PRDM11: variants seen among roughly 807,000 people sequenced by gnomAD.
PRDM11 encodes the protein PR/SET domain 11.
PRDM11 carries 20 observed loss-of-function variants against 97.8 expected under a neutral mutation model. The ratio of observed to expected loss-of-function variants is 0.20; its 90% CI spans 0.14 to 0.30. The LOEUF (loss-of-function observed/expected upper bound fraction) is 0.30, where lower values mean the gene tolerates loss of function less well. Ranked by LOEUF, PRDM11 falls within the 10% of genes least tolerant of loss-of-function variation. The pLI is 1.00. For synonymous variants in PRDM11, 599 were observed against 637.7 expected (o/e 0.94, Z 0.91); for missense variants, 1,139 against 1,555.2 (o/e 0.73, Z 4.50).
intron 4 of PRDM11, among the ~76,000 whole-genome samples, chr11:45,203,770 G>A (rs535515990): frequency 2.0e-4 from 30 of 152,080 alleles, no homozygotes; most frequent in East Asian, 7.7e-4. Context: ...ACAGGTGCCC[G>A]CCACCACACC....
chr11:45,219,882 G>A lies in PRDM11; in HGVS notation c.742+125G>A. 1 of 1,196,416 alleles carries A rather than the reference G, an allele frequency of 8.4e-7. No homozygotes were observed. The highest frequency in any genetic ancestry group is 1.1e-6 in the Non-Finnish European group (1 of 877,746). 74.1% of individuals were successfully genotyped at this position (1,196,416 alleles called of 1,614,324 possible). On this transcript the variant is annotated intron_variant, in intron 6 of 7. Transcript: ENST00000683152. This position sits in a 1 kb window ranked among gnomAD's most constrained non-coding sequence, Gnocchi z 4.2. ...ATGGGAAGACCCAGAGTGATTCGGG[G>A]GAACAGATGGTTGAGGTCTGAGCAG...
chr11:45,187,335 GA>G (rs1314888922), intron 4 of PRDM11, among the ~76,000 whole-genome samples: 1 of 152,176 alleles, frequency 6.6e-6, no homozygotes, highest in Non-Finnish European at 1.5e-5. Context: ...AATTGCAGGA[GA>G]AAAAATCTAA....
upstream of PRDM11, among the ~76,000 whole-genome samples, chr11:45,146,133 C>A (rs1851502455): frequency 1.3e-5 from 2 of 152,186 alleles, no homozygotes; most frequent in Non-Finnish European, 2.9e-5. Context: ...CCTCAGCCTT[C>A]GCGGGACGCC....
intron 4 of PRDM11, among the ~76,000 whole-genome samples, chr11:45,203,888 G>C (rs578237629): frequency 3.3e-5 from 5 of 152,288 alleles, no homozygotes; most frequent in Non-Finnish European, 7.3e-5. Context: ...GAATTTTCCA[G>C]AATTGAAAAG....
intron 1 of PRDM11, among the ~76,000 whole-genome samples, chr11:45,169,724 A>G (rs1852155619): frequency 2.5e-5 from 1 of 39,260 alleles, no homozygotes; most frequent in Admixed American, 2.7e-4. Flanking sequence ...GAACTCCCCC[A>G]GTGTCACACA....
At chr11:45,166,677 G>T (rs1000045409) in intron 1 of PRDM11, among the ~76,000 whole-genome samples, 2 of 152,256 alleles carry the variant, frequency 1.3e-5, no homozygotes, top group Non-Finnish European at 2.9e-5. Flanking sequence ...ACACAGAAGA[G>T]TGAGTGAACA....
Position 45,227,373 on chromosome 11 carries a change from C to T in PRDM11, c.2748C>T (p.Ile916=), listed in dbSNP as rs1262453854. 11 of 1,533,868 alleles carry T rather than the reference C, an allele frequency of 7.2e-6. No individual in the cohort carries two copies. Among genetic ancestry groups the T allele is most frequent in the Non-Finnish European group, 9.6e-6 (11 of 1,146,754 alleles). Residue 916 remains isoleucine, a synonymous_variant, in exon 8 of 8, where the codon ATC becomes ATT. Transcript: ENST00000683152. This position sits in a 1 kb window ranked among gnomAD's most constrained non-coding sequence, Gnocchi z 8.0. ...TGGATGACAAGATCGAGGAGGCCAT[C>T]CAGGAGATCAGCCGGCTGGCTGACT... is the stretch of plus-strand genomic sequence containing the variant. ...SQVDDKIEEA[I]QEISRLADSP...
rs200361046 is a variant in PRDM11 at position 45,101,567 on chromosome 11, A to G, written c.96+5666A>G. Among the ~76,000 whole-genome samples the G allele has an allele frequency of 4.5e-3, 431 of 96,838 alleles. 19 individuals are homozygous for G. The highest frequency in any genetic ancestry group is 0.018 in the African/African-American group (369 of 20,544). 63.5% of individuals were successfully genotyped at this position (96,838 alleles called of 152,430 possible). A position where few individuals can be genotyped will look rare whatever the true frequency, so the allele number is the denominator to read the frequency against. On this transcript the variant is annotated intron_variant, in intron 1 of 6. Coordinates refer to the PRDM11 transcript ENST00000530656. The stretch of plus-strand genomic sequence containing the variant: ...CAACACTCTGTCTCAAAAAAAAAAA[A>G]AAGAAGAAGAAGAAGAAGAAGAAGA...
intron 1 of PRDM11, among the ~76,000 whole-genome samples, chr11:45,117,393 C>T (rs1276338290): frequency 3.9e-5 from 6 of 152,104 alleles, no homozygotes; most frequent in Non-Finnish European, 8.8e-5. Flanking sequence ...TGGGAGAAGG[C>T]AGATAAATCT....
chr11:45,199,678 G>T (rs1339145352), intron 4 of PRDM11, among the ~76,000 whole-genome samples: 3 of 152,178 alleles, frequency 2.0e-5, no homozygotes, highest in African/African-American at 7.2e-5. Flanking sequence ...GTCTTCTGGG[G>T]GGCTTGTCCT....
chr11:45,176,370 C>T (rs1852328528), intron 1 of PRDM11, among the ~76,000 whole-genome samples: 1 of 152,056 alleles, frequency 6.6e-6, no homozygotes, highest in Non-Finnish European at 1.5e-5. Context: ...GAGCGAGACT[C>T]AATCTAAAAA....
chr11:45,181,359 TACCCCTTGGCC>T (rs1852493459), intron 1 of PRDM11, among the ~76,000 whole-genome samples: 6 of 152,214 alleles, frequency 3.9e-5, no homozygotes, highest in African/African-American at 1.4e-4. Context: ...GTCTGCCCAC[TACCCCTTGGCC>T]CAAGTTGGGC....
At chr11:45,223,415 A>G (rs957337634) in intron 6 of PRDM11, among the ~76,000 whole-genome samples, 1 of 152,252 alleles carries the variant, frequency 6.6e-6, no homozygotes, top group Non-Finnish European at 1.5e-5. Flanking sequence ...GGTAATTCAC[A>G]TGATAGAAAG....
rs542561577 is a variant in PRDM11, at chr11:45,155,461, G to A, written c.-7+8584G>A. Among the ~76,000 whole-genome samples, 8 of 152,302 alleles carry A rather than the reference G, an allele frequency of 5.3e-5. No homozygotes were observed. In the East Asian group the frequency reaches 5.8e-4, roughly 11 times the overall value. On this transcript the variant is annotated intron_variant, in intron 1 of 7. Transcript: ENST00000683152. ...GAGAGGGCGGGCTCTGGGGGTTGCCGGGAGGTGGTTGGCTGGGGCTTGTCC... is the reference window on the plus strand; with the variant it reads ...GAGAGGGCGGGCTCTGGGGGTTGCCAGGAGGTGGTTGGCTGGGGCTTGTCC...
At chr11:45,218,760 G>A (rs763153034) in intron 5 of PRDM11, among the ~76,000 whole-genome samples, 3 of 152,242 alleles carry the variant, frequency 2.0e-5, no homozygotes, top group South Asian at 2.1e-4. Flanking sequence ...GAGAATGGGC[G>A]AGGGCCATAG....
intron 1 of PRDM11, among the ~76,000 whole-genome samples, chr11:45,151,044 C>G (rs780931116): frequency 2.0e-5 from 3 of 152,162 alleles, no homozygotes; most frequent in Non-Finnish European, 4.4e-5. Flanking sequence ...GCAGAGAACC[C>G]CAAACCCATT....
chr11:45,153,807 TG>T (rs1827562480), intron 1 of PRDM11, among the ~76,000 whole-genome samples: 1 of 152,172 alleles, frequency 6.6e-6, no homozygotes, highest in Admixed American at 6.5e-5. Flanking sequence ...CTGTTATCTC[TG>T]GGGCAGTAAA....
intron 1 of PRDM11, among the ~76,000 whole-genome samples, chr11:45,149,050 C>T (rs889745480): frequency 1.3e-5 from 2 of 152,162 alleles, no homozygotes; most frequent in African/African-American, 2.4e-5. Context: ...CATCTCCAGA[C>T]CCAGATAACT....
intron 5 of PRDM11, among the ~76,000 whole-genome samples, chr11:45,218,898 T>C (rs987512573): frequency 6.6e-6 from 1 of 152,222 alleles, no homozygotes; most frequent in Non-Finnish European, 1.5e-5. Context: ...ATCTCCCATT[T>C]ATTAGCTGTG....
Sources: gnomAD v4.1 joint callset for allele counts (sites outside exome capture counted in the v4.1 genomes callset) on GRCh38, gnomAD v4.1.1 for gene constraint, Gnocchi (gnomAD v3.1) non-coding constraint, MANE v1.5 for transcripts, NCBI Gene and HGNC (gene_info 2026-07-23, HGNC 2026-07-21) for gene names.